MTM1: variants seen among roughly 807,000 people sequenced by gnomAD.
The protein encoded by MTM1 is myotubularin 1, also known as myotubularin.
In MTM1, 9 loss-of-function variants were observed where a neutral mutation model predicts 52.1. That is an observed-to-expected ratio of 0.17 (90% CI 0.10 to 0.30). MTM1 has a LOEUF of 0.30. Ranked by LOEUF, MTM1 falls within the 10% of genes least tolerant of loss-of-function variation. MTM1 has a pLI of 1.00. For synonymous variants in MTM1, 136 were observed against 163.8 expected (o/e 0.83, Z 1.29); for missense variants, 277 against 470.7 (o/e 0.59, Z 3.81).
At chrX:150,657,613 A>G (rs1415843989) in intron 10 of MTM1, among the ~76,000 whole-genome samples, 1 of 110,753 alleles carries the variant, frequency 9.0e-6, no homozygotes, top group Admixed American at 9.6e-5. Context: ...AACTTAAAGT[A>G]TAATTTAAAA....
At chrX:150,572,178 C>T (rs782330664) in intron 1 of MTM1, among the ~76,000 whole-genome samples, 4 of 111,948 alleles carry the variant, frequency 3.6e-5, no homozygotes, top group Non-Finnish European at 7.5e-5. Context: ...TCTTCCTTAA[C>T]TCTGTGTCAC....
intron 4 of MTM1, among the ~76,000 whole-genome samples, chrX:150,612,670 C>G (rs782111714): frequency 1.8e-5 from 2 of 111,699 alleles, no homozygotes; most frequent in South Asian, 3.7e-4. Context: ...CATAGTAAGA[C>G]TCTGTCTCTA....
chrX:150,564,475 C>G (rs189026457), upstream of MTM1, among the ~76,000 whole-genome samples: 125 of 111,261 alleles, frequency 1.1e-3, no homozygotes, highest in African/African-American at 3.7e-3. Context: ...CTCCGCCTCC[C>G]GGGTTCAAGC....
chrX:150,576,548 GT>G (rs781953603), intron 1 of MTM1, among the ~76,000 whole-genome samples: 1 of 111,398 alleles, frequency 9.0e-6, no homozygotes, highest in Non-Finnish European at 1.9e-5. Context: ...TTTTTAACGA[GT>G]AAAAACTTTA....
chrX:150,641,954 T>C (rs899882690), intron 8 of MTM1, among the ~76,000 whole-genome samples: 1 of 111,471 alleles, frequency 9.0e-6, no homozygotes, highest in Admixed American at 9.5e-5. Flanking sequence ...TCACTGCACC[T>C]AGTTCACAAA....
chrX:150,626,148 T>C (rs782550510), intron 6 of MTM1, among the ~76,000 whole-genome samples: 10 of 112,513 alleles, frequency 8.9e-5, no homozygotes, highest in Non-Finnish European at 1.9e-4. Flanking sequence ...CACTACCATA[T>C]CTACCCCATG....
rs782387153 is a variant in MTM1, at chrX:150,671,819, C to G, written c.*224C>G. On this transcript the variant is annotated 3_prime_UTR_variant, in exon 15 of 15. Transcript: ENST00000370396. ...GAGCTGAGATGAGGTTTTGGAAAAC[C>G]CTGACACCTTTAAAAAGCAGTTTTT... The G allele has an allele frequency of 7.0e-4, 301 of 431,979 alleles. 1 individual carries two copies. Among genetic ancestry groups the G allele is most frequent in the African/African-American group, 3.0e-3 (122 of 40,027 alleles). The allele number at this position is 431,979 out of a possible 1,213,427, so 35.6% of individuals were successfully genotyped here.
intron 1 of MTM1, among the ~76,000 whole-genome samples, chrX:150,573,679 C>G (rs1248207785): frequency 1.8e-5 from 2 of 111,632 alleles, no homozygotes; most frequent in East Asian, 5.6e-4. Flanking sequence ...TTCTTAGCAT[C>G]AGGTGGTGGT....
chrX:150,575,493 C>T (rs1427920294), intron 1 of MTM1, among the ~76,000 whole-genome samples: 1 of 112,172 alleles, frequency 8.9e-6, no homozygotes, highest in African/African-American at 3.2e-5. Context: ...TCAGTGGTTC[C>T]GGGATGGGCC....
At position 150,628,054 on chromosome X, in the gene MTM1, A is replaced by G. The variant is rs190826728; in HGVS notation, c.444+8915A>G. On this transcript the variant is annotated intron_variant, in intron 6 of 14. Coordinates refer to ENST00000370396, the MANE Select transcript of MTM1 (RefSeq NM_000252.3). ...TGAAGTCCCCAGGTGGTCCTTTCCC[A>G]TGCATCCTTCCCCTGAGTGTAGCAC... Among the ~76,000 whole-genome samples the G allele has an allele frequency of 9.1e-4, 101 of 111,105 alleles. No individual in the cohort carries two copies. The East Asian group carries it at 0.022, about 25-fold the overall frequency.
chrX:150,623,927 A>G (rs2039523919), intron 6 of MTM1, among the ~76,000 whole-genome samples: 1 of 112,013 alleles, frequency 8.9e-6, no homozygotes, highest in Non-Finnish European at 1.9e-5. Flanking sequence ...TGAAGTCAGA[A>G]GTGAACTTGC....
intron 1 of MTM1, among the ~76,000 whole-genome samples, chrX:150,583,545 ATAC>A (rs1261258713): frequency 8.9e-5 from 2 of 22,556 alleles, no homozygotes; most frequent in Non-Finnish European, 1.2e-4. Flanking sequence ...TATATATATT[ATAC>A]ATAATTTATA....
At chrX:150,592,716 C>G (rs935388461) in intron 2 of MTM1, 39 bp downstream of exon 2, 2 of 942,593 alleles carry the variant, frequency 2.1e-6, no homozygotes, top group Non-Finnish European at 3.1e-6. Flanking sequence ...TCTTTCCTTG[C>G]ATTTATTTTG....
intron 6 of MTM1, among the ~76,000 whole-genome samples, chrX:150,638,238 C>T (rs1299608168): frequency 9.0e-6 from 1 of 111,595 alleles, no homozygotes; most frequent in Non-Finnish European, 1.9e-5. Context: ...CTTCAGATGC[C>T]TCTTAGGCAG....
At position 150,575,424 on chromosome X, in the gene MTM1, T is replaced by C. The variant is rs184557294; in HGVS notation, c.-11+6762T>C. 2.7e-3 allele frequency among the ~76,000 whole-genome samples: 305 copies of C among 112,571 alleles called. 1 individual carries two copies. Among genetic ancestry groups the C allele is most frequent in the Middle Eastern group, 0.019 (4 of 216 alleles). On this transcript the variant is annotated intron_variant, in intron 1 of 14. Coordinates refer to ENST00000370396, the MANE Select transcript of MTM1 (RefSeq NM_000252.3). ...AGCGTGCAGCACTACCAGGAGCGCT[T>C]CTCCAACTTCATTGCCTTATGAATC...
intron 12 of MTM1, 92 bp from the exon 13 acceptor site, chrX:150,660,279 G>A (rs2040197632): frequency 5.4e-6 from 3 of 552,309 alleles, no homozygotes; most frequent in Non-Finnish European, 9.4e-6. Flanking sequence ...CCTACAATGT[G>A]GCAGCATTTG....
chrX:150,665,134 A>G (rs2063585955), intron 14 of MTM1, among the ~76,000 whole-genome samples: 1 of 112,209 alleles, frequency 8.9e-6, no homozygotes, highest in African/African-American at 3.2e-5. Flanking sequence ...GAATTGGCCT[A>G]TATTATGATC....
intron 10 of MTM1, among the ~76,000 whole-genome samples, chrX:150,651,107 C>T (rs1557414187): frequency 8.9e-6 from 1 of 112,285 alleles, no homozygotes; most frequent in African/African-American, 3.2e-5. Context: ...TACCTATCAT[C>T]TCTTCAATCA....
At chrX:150,647,698 CT>C (rs1236139939) in intron 9 of MTM1, among the ~76,000 whole-genome samples, 3 of 112,214 alleles carry the variant, frequency 2.7e-5, no homozygotes, top group Non-Finnish European at 5.6e-5. Flanking sequence ...GATTGTTGCC[CT>C]TTCTGACCTT....
Sources: gnomAD v4.1 joint callset for allele counts (sites outside exome capture counted in the v4.1 genomes callset) on GRCh38, gnomAD v4.1.1 for gene constraint, MANE v1.5 for transcripts, NCBI Gene and HGNC (gene_info 2026-07-23, HGNC 2026-07-21) for gene names.